The following KCNAB2 variants were observed in gnomAD, a reference collection of about 807,000 sequenced individuals.
KCNAB2 encodes the protein voltage-gated potassium channel subunit beta-2.
Under a neutral mutation model 63.6 loss-of-function variants are expected in KCNAB2, and 29 were observed. That is an observed-to-expected ratio of 0.46 (90% CI 0.34 to 0.62). The LOEUF is 0.62. KCNAB2 is among the 20% of genes least tolerant of loss of function. The pLI is 0.01. For synonymous variants in KCNAB2, 222 were observed against 224.2 expected, an observed-to-expected ratio of 0.99 and a Z score of 0.09; for missense variants, 359 against 563.9, an observed-to-expected ratio of 0.64 and a Z score of 3.68.
chr1:6,070,231 C>T (rs1421576730), intron 2 of KCNAB2, among the ~76,000 whole-genome samples: 1 of 152,196 alleles, frequency 6.6e-6, no homozygotes, highest in Non-Finnish European at 1.5e-5. Flanking sequence ...GGCATATTTC[C>T]AGGCTTTATC....
intron 1 of KCNAB2, among the ~76,000 whole-genome samples, chr1:6,009,763 C>T (rs922550335): frequency 2.6e-5 from 4 of 152,180 alleles, no homozygotes; most frequent in South Asian, 2.1e-4. Context: ...CTCTGACCCC[C>T]GGTGTTCCCT....
chr1:6,084,236 G>T (rs561766730), intron 5 of KCNAB2, among the ~76,000 whole-genome samples: 1 of 152,246 alleles, frequency 6.6e-6, no homozygotes, highest in South Asian at 2.1e-4. Flanking sequence ...ATCCAGTGCT[G>T]CAGTGCCAGG....
rs1052297716 is a variant in KCNAB2, at chr1:6,072,616, G to T, written c.219-139G>T. 8 of 883,414 alleles carry T rather than the reference G, an allele frequency of 9.1e-6. No homozygotes were observed. The African/African-American group carries it at 1.3e-4, about 15-fold the overall frequency. The allele number at this position is 883,414 out of a possible 1,614,324, so 54.7% of individuals were successfully genotyped here. On this transcript the variant is annotated intron_variant, in intron 2 of 15. Coordinates refer to ENST00000378083, the MANE Select transcript of KCNAB2 (RefSeq NM_001199862.2). Reference sequence around the variant, plus strand: ...GGTGAGCAGAGGCACCTCTCTGAAGGTCCCCGGTGCCTTTCGGAGCCTCCA... The same window carrying T: ...GGTGAGCAGAGGCACCTCTCTGAAGTTCCCCGGTGCCTTTCGGAGCCTCCA...
At chr1:6,097,723 G>C in intron 15 of KCNAB2, 2 of 474,336 alleles carry the variant, frequency 4.2e-6, no homozygotes, top group Non-Finnish European at 7.4e-6. Context: ...TGCGGAGTAA[G>C]TCACGCAAAT....
chr1:6,097,216 C>T (rs1665716509), intron 14 of KCNAB2, 53 bp from the exon 15 acceptor site: 1 of 1,496,800 alleles, frequency 6.7e-7, no homozygotes. Flanking sequence ...GCAGACCCAT[C>T]AGGGGCCCCT....
At chr1:6,088,220 TTC>T (rs1220651305) in intron 7 of KCNAB2, among the ~76,000 whole-genome samples, 1 of 145,458 alleles carries the variant, frequency 6.9e-6, no homozygotes, top group African/African-American at 2.6e-5. Context: ...TTTGTCCTTT[TTC>T]TCTCTCTCTC....
Position 6,074,927 on chromosome 1 carries a change from C to T in KCNAB2, c.300+1157C>T, listed in dbSNP as rs995638685. ...CGAGATCATATCACTGCACTCCAGC[C>T]TAGGCCGTAGAGTAAGACTCTGTCT... On this transcript the variant is annotated intron_variant, in intron 4 of 15. Coordinates refer to ENST00000378083, the MANE Select transcript of KCNAB2 (RefSeq NM_001199862.2). The surrounding 1 kb of genome is among the most constrained non-coding windows in gnomAD (Gnocchi z 4.9). 6.7e-6 allele frequency among the ~76,000 whole-genome samples: 1 copy of T among 149,338 alleles called. No individual in the cohort carries two copies. Among genetic ancestry groups the T allele is most frequent in the Non-Finnish European group, 1.5e-5 (1 of 67,824 alleles).
chr1:6,080,641 G>A (rs998248267), intron 4 of KCNAB2, among the ~76,000 whole-genome samples: 1 of 152,058 alleles, frequency 6.6e-6, no homozygotes. Context: ...CCAGGCTGCC[G>A]GCCAGATTTC....
chr1:6,097,471 G>T, intron 15 of KCNAB2, 114 bp downstream of exon 15: 1 of 1,523,234 alleles, frequency 6.6e-7, no homozygotes. Context: ...CTCAGGATGC[G>T]CCCGTGAACC....
intron 1 of KCNAB2, among the ~76,000 whole-genome samples, chr1:6,036,332 G>A (rs952917304): frequency 5.9e-5 from 9 of 151,966 alleles, no homozygotes; most frequent in African/African-American, 9.7e-5. Context: ...GTGAAACTCC[G>A]TCTCTACTAA....
At chr1:6,029,717 C>T (rs149312878), upstream of KCNAB2, among the ~76,000 whole-genome samples, 2 of 152,292 alleles carry the variant, frequency 1.3e-5, no homozygotes, top group East Asian at 1.9e-4. Flanking sequence ...GAGAGAATTG[C>T]CCAAGGTCAT....
chr1:6,015,180 C>G (rs1014755438), intron 1 of KCNAB2, among the ~76,000 whole-genome samples: 1 of 151,918 alleles, frequency 6.6e-6, no homozygotes, highest in Non-Finnish European at 1.5e-5. Context: ...TACAGGTGCC[C>G]GCCACCATGC....
rs1662986382 is a variant in KCNAB2 at position 6,069,117 on chromosome 1, C to T, written c.219-3638C>T. 6.6e-6 allele frequency among the ~76,000 whole-genome samples: 1 copy of T among 152,192 alleles called. No individual in the cohort carries two copies. Among genetic ancestry groups the T allele is most frequent in the Non-Finnish European group, 1.5e-5 (1 of 68,030 alleles). ...CCAATTAGAAGACAAAGACTGGAAG[C>T]CCAGCCTGTCCTTAGGGAGCCTGGA... On this transcript the variant is annotated intron_variant, in intron 2 of 15. Coordinates refer to ENST00000378083, the MANE Select transcript of KCNAB2 (RefSeq NM_001199862.2). This position sits in a 1 kb window ranked among gnomAD's most constrained non-coding sequence, Gnocchi z 5.4.
At chr1:6,049,847 G>C (rs2100522873) in intron 1 of KCNAB2, among the ~76,000 whole-genome samples, 1 of 152,356 alleles carries the variant, frequency 6.6e-6, no homozygotes, top group African/African-American at 2.4e-5. Flanking sequence ...ATAAGATACA[G>C]ACGAATACTT....
chr1:6,004,037 A>C (rs1657412426), intron 1 of KCNAB2, among the ~76,000 whole-genome samples: 1 of 152,150 alleles, frequency 6.6e-6, no homozygotes, highest in African/African-American at 2.4e-5. Context: ...AGTCCCCCGG[A>C]GAGCAGGGAG....
At chr1:6,047,069 A>G (rs1473618864) in intron 1 of KCNAB2, among the ~76,000 whole-genome samples, 1 of 152,200 alleles carries the variant, frequency 6.6e-6, no homozygotes, top group Non-Finnish European at 1.5e-5. Flanking sequence ...CGTAATTAGC[A>G]ATGGCTATTG....
At chr1:6,002,549 G>A (rs12067703) in intron 1 of KCNAB2, among the ~76,000 whole-genome samples, 5,018 of 152,322 alleles carry the variant, frequency 0.033, 275 homozygotes, top group African/African-American at 0.11. Flanking sequence ...CCCCTGAACC[G>A]TACGTGATGC....
chr1:5,999,715 G>T (rs903411356), intron 1 of KCNAB2, among the ~76,000 whole-genome samples: 12 of 152,042 alleles, frequency 7.9e-5, no homozygotes, highest in African/African-American at 1.7e-4. Context: ...GAGGCCAGGG[G>T]TCAGTACAGG....
chr1:6,039,293 A>G (rs1327983274), intron 1 of KCNAB2, among the ~76,000 whole-genome samples: 1 of 152,170 alleles, frequency 6.6e-6, no homozygotes. Context: ...GGCAGTGCCT[A>G]GGAGTGGGAG....
Sources: allele counts gnomAD v4.1 joint callset (sites outside exome capture counted in the v4.1 genomes callset), GRCh38; gene constraint gnomAD v4.1.1; non-coding constraint Gnocchi (gnomAD v3.1); transcripts MANE v1.5; gene names NCBI Gene and HGNC (gene_info 2026-07-23, HGNC 2026-07-21).